WDR27: variants seen among roughly 807,000 people sequenced by gnomAD.
WDR27 encodes the protein WD repeat-containing protein 27.
In WDR27, 100 loss-of-function variants were observed where a neutral mutation model predicts 114.4. The ratio of observed to expected loss-of-function variants is 0.87; its 90% CI spans 0.74 to 1.03. WDR27 has a LOEUF of 1.03. WDR27 is among the 50% of genes least tolerant of loss of function. The pLI is 0.00. For synonymous variants in WDR27, 449 were observed against 423.1 expected (o/e 1.06, Z -0.75); for missense variants, 1,129 against 1,092.9 (o/e 1.03, Z -0.47).
intron 21 of WDR27, among the ~76,000 whole-genome samples, chr6:169,615,566 A>G (rs1358520368): frequency 6.6e-6 from 1 of 152,222 alleles, no homozygotes; most frequent in Non-Finnish European, 1.5e-5. Context: ...TGGTGCTGGG[A>G]TAACTGGCTA....
chr6:169,574,845 G>A (rs1390552914), intron 24 of WDR27, among the ~76,000 whole-genome samples: 2 of 152,178 alleles, frequency 1.3e-5, no homozygotes, highest in Non-Finnish European at 2.9e-5. Flanking sequence ...CTGCAGGCAC[G>A]TATTCAGATC....
At chr6:169,614,973 T>C (rs954154311) in intron 21 of WDR27, among the ~76,000 whole-genome samples, 2 of 152,022 alleles carry the variant, frequency 1.3e-5, no homozygotes, top group African/African-American at 4.8e-5. Flanking sequence ...AGAAATACTA[T>C]GTAATGACCA....
At chr6:169,617,676 G>T (rs539029172) in intron 21 of WDR27, among the ~76,000 whole-genome samples, 2 of 151,964 alleles carry the variant, frequency 1.3e-5, no homozygotes, top group Non-Finnish European at 2.9e-5. Context: ...GTGCCCAGCC[G>T]CCCAACCCTA....
intron 4 of WDR27, 151 bp downstream of exon 4, chr6:169,670,418 T>C (rs1373673847): frequency 9.1e-6 from 7 of 771,458 alleles, no homozygotes; most frequent in Non-Finnish European, 1.4e-5. Flanking sequence ...AAGATAAAGA[T>C]ATGATTTTAT....
rs201786174 is a variant in WDR27 at position 169,459,565 on chromosome 6, G to A, written c.2646-1931C>T. Among the ~76,000 whole-genome samples, 3 of 151,546 alleles carry A rather than the reference G, an allele frequency of 2.0e-5. No individual in the cohort carries two copies. In the East Asian group the frequency reaches 5.8e-4, roughly 29 times the overall value. On this transcript the variant is annotated intron_variant, in intron 25 of 25. Transcript: ENST00000448612. Reference sequence around the variant, plus strand: ...TATACATTTATATATGTATATAAATGTATACATATAAATGTATATCCAAGA... The same window carrying A: ...TATACATTTATATATGTATATAAATATATACATATAAATGTATATCCAAGA...
chr6:169,461,260 T>C (rs1332803580), intron 25 of WDR27, among the ~76,000 whole-genome samples: 2 of 152,090 alleles, frequency 1.3e-5, no homozygotes, highest in Non-Finnish European at 2.9e-5. Context: ...TTACACAACA[T>C]GATAAACCAA....
chr6:169,562,968 A>G (rs1341508466), intron 25 of WDR27, among the ~76,000 whole-genome samples: 1 of 152,160 alleles, frequency 6.6e-6, no homozygotes, highest in Non-Finnish European at 1.5e-5. Context: ...CTGTGAGCAC[A>G]GCAGCGCTGC....
chr6:169,528,878 T>C (rs554484210), intron 25 of WDR27, among the ~76,000 whole-genome samples: 4 of 152,286 alleles, frequency 2.6e-5, no homozygotes, highest in South Asian at 2.1e-4. Flanking sequence ...CACAGTCTAT[T>C]AGAAGATACA....
At chr6:169,532,172 T>G (rs987753669) in intron 25 of WDR27, among the ~76,000 whole-genome samples, 2 of 152,158 alleles carry the variant, frequency 1.3e-5, no homozygotes, top group Non-Finnish European at 2.9e-5. Context: ...ACCTTCAATT[T>G]TTTAAATTTC....
At chr6:169,586,187 A>G (rs1804519275) in intron 23 of WDR27, among the ~76,000 whole-genome samples, 1 of 152,120 alleles carries the variant, frequency 6.6e-6, no homozygotes, top group Admixed American at 6.5e-5. Context: ...CATAGCTTGA[A>G]ACCATTTTTG....
At chr6:169,612,258 A>G (rs958292068) in intron 22 of WDR27, among the ~76,000 whole-genome samples, 1 of 151,824 alleles carries the variant, frequency 6.6e-6, no homozygotes, top group African/African-American at 2.4e-5. Context: ...TCTCTACTAA[A>G]AATATAAAAA....
chr6:169,698,752 T>C (rs1585251056), intron 1 of WDR27, among the ~76,000 whole-genome samples: 1 of 152,186 alleles, frequency 6.6e-6, no homozygotes, highest in South Asian at 2.1e-4. Flanking sequence ...CAGCCCTTCA[T>C]GCTGGAGGCG....
At chr6:169,533,849 G>A (rs1362729814) in intron 25 of WDR27, among the ~76,000 whole-genome samples, 2 of 151,126 alleles carry the variant, frequency 1.3e-5, no homozygotes, top group Admixed American at 1.3e-4. Flanking sequence ...GTGTGTGTGT[G>A]CACATGTGCA....
chr6:169,622,293 G>A (rs1321384773), intron 21 of WDR27, among the ~76,000 whole-genome samples: 5 of 152,090 alleles, frequency 3.3e-5, no homozygotes, highest in Non-Finnish European at 5.9e-5. Flanking sequence ...GGCAAATGTC[G>A]TCAGGACCTC....
At chr6:169,473,215 G>A (rs898146447) in intron 25 of WDR27, among the ~76,000 whole-genome samples, 3 of 152,118 alleles carry the variant, frequency 2.0e-5, no homozygotes, top group South Asian at 2.1e-4. Context: ...CTTAATGTCC[G>A]GTCTCTGTCC....
chr6:169,569,671 T>C (rs1288369237), intron 25 of WDR27, among the ~76,000 whole-genome samples: 3 of 152,212 alleles, frequency 2.0e-5, no homozygotes, highest in Non-Finnish European at 4.4e-5. Context: ...AATACAGATG[T>C]CAAATTAGAA....
intron 23 of WDR27, among the ~76,000 whole-genome samples, chr6:169,594,433 T>G (rs1020114397): frequency 6.6e-6 from 1 of 152,224 alleles, no homozygotes; most frequent in Admixed American, 6.5e-5. Context: ...TACAAGATAA[T>G]GCATTATCAA....
intron 1 of WDR27, among the ~76,000 whole-genome samples, chr6:169,697,748 C>G (rs530009383): frequency 6.6e-6 from 1 of 152,226 alleles, no homozygotes; most frequent in Admixed American, 6.5e-5. Flanking sequence ...CCAGTGGACA[C>G]GTGACCCACA....
chr6:169,606,247 C>T (rs1348136253), intron 22 of WDR27, among the ~76,000 whole-genome samples: 1 of 152,094 alleles, frequency 6.6e-6, no homozygotes, highest in African/African-American at 2.4e-5. Flanking sequence ...GGAACTCAAA[C>T]GACTCAACAA....
Sources: gnomAD v4.1 joint callset for allele counts (sites outside exome capture counted in the v4.1 genomes callset) on GRCh38, gnomAD v4.1.1 for gene constraint, MANE v1.5 for transcripts, NCBI Gene and HGNC (gene_info 2026-07-23, HGNC 2026-07-21) for gene names.